INSR: variants seen among roughly 807,000 people sequenced by gnomAD.
INSR encodes IR.
A neutral mutation model predicts 142.6 loss-of-function variants in INSR; 67 were observed. The observed-to-expected ratio is 0.47, with a 90% CI of 0.39 to 0.58. The LOEUF (loss-of-function observed/expected upper bound fraction) is 0.58, where lower values mean the gene tolerates loss of function less well. INSR is among the 20% of genes least tolerant of loss of function. INSR has a pLI of 0.00. For missense variants in INSR, 1,248 were observed against 1,833.2 expected (o/e 0.68, Z 5.83); for synonymous variants, 756 against 743.1 (o/e 1.02, Z -0.28).
At position 7,115,860 on chromosome 19, in the gene INSR, C is replaced by T. The variant is rs952221024; in HGVS notation, c.*1196G>A. 1 of 152,158 alleles carries T rather than the reference C, an allele frequency of 6.6e-6. No individual in the cohort carries two copies. Among genetic ancestry groups the T allele is most frequent in the African/African-American group, 2.4e-5 (1 of 41,406 alleles). The allele number at this position is 152,158 out of a possible 1,614,324, so 9.4% of individuals were successfully genotyped here. The stretch of plus-strand genomic sequence containing the variant: ...TCACAACATCCAAAAGTGTTAGCAG[C>T]GAACATGGCTTCATTCCCAGAAATG... On this transcript the variant is annotated 3_prime_UTR_variant, in exon 22 of 22. Transcript: ENST00000302850.
chr19:7,229,110 G>C lies in INSR; in HGVS notation c.652+38235C>G, dbSNP rs562603607. Among the ~76,000 whole-genome samples, 35 of 151,734 alleles carry C rather than the reference G, an allele frequency of 2.3e-4. No homozygotes were observed. In the South Asian group the frequency reaches 4.2e-3, roughly 18 times the overall value. On this transcript the variant is annotated intron_variant, in intron 2 of 21. Coordinates refer to ENST00000302850, the MANE Select transcript of INSR (RefSeq NM_000208.4). ...GGATGGGTGATTGGATGAGTGGATG[G>C]ATGGATGGGTGAGTGAATGGATGAA...
At chr19:7,249,849 G>C (rs551862806) in intron 2 of INSR, among the ~76,000 whole-genome samples, 1 of 152,016 alleles carries the variant, frequency 6.6e-6, no homozygotes, top group Non-Finnish European at 1.5e-5. Flanking sequence ...AAAATTAGCC[G>C]GGCGTGGTGG....
chr19:7,120,518 G>T (rs1228771230), intron 20 of INSR, 102 bp downstream of exon 20: 12 of 1,389,822 alleles, frequency 8.6e-6, no homozygotes, highest in Non-Finnish European at 1.1e-5. Context: ...TTCCTTGATG[G>T]GGCGTCCAGG....
At chr19:7,191,452 G>A (rs757728008) in intron 2 of INSR, among the ~76,000 whole-genome samples, 1 of 152,126 alleles carries the variant, frequency 6.6e-6, no homozygotes. Flanking sequence ...GGTGCTGGAC[G>A]TTTCCACATA....
At chr19:7,194,273 T>C (rs1974676931) in intron 2 of INSR, among the ~76,000 whole-genome samples, 2 of 151,876 alleles carry the variant, frequency 1.3e-5, no homozygotes, top group African/African-American at 4.8e-5. Context: ...AAAAATTAGC[T>C]GGGCGTGGTG....
intron 2 of INSR, among the ~76,000 whole-genome samples, chr19:7,233,373 G>A (rs745823837): frequency 3.3e-5 from 5 of 152,148 alleles, no homozygotes; most frequent in East Asian, 3.8e-4. Flanking sequence ...AGAGCCCCAC[G>A]GCTACTAACA....
chr19:7,277,190 G>C (rs1568234547), intron 1 of INSR, among the ~76,000 whole-genome samples: 2 of 152,138 alleles, frequency 1.3e-5, no homozygotes, highest in East Asian at 3.9e-4. Flanking sequence ...TGGACACACT[G>C]GGGTGTCAGA....
intron 6 of INSR, among the ~76,000 whole-genome samples, chr19:7,169,655 C>G (rs1361167785): frequency 6.6e-6 from 1 of 151,448 alleles, no homozygotes. Context: ...ATTTTCTGCA[C>G]TCCTAACTTC....
rs1184175382 is a variant in INSR, at chr19:7,116,999, A to C, written c.*57T>G. 14 of 1,352,122 alleles carry C rather than the reference A, an allele frequency of 1.0e-5. No individual in the cohort carries two copies. The highest frequency in any genetic ancestry group is 2.3e-5 in the South Asian group (2 of 85,746). The allele number at this position is 1,352,122 out of a possible 1,614,324, so 83.8% of individuals were successfully genotyped here. On this transcript the variant is annotated 3_prime_UTR_variant, in exon 22 of 22. Transcript: ENST00000302850. ...AATCCTGAGTTTTCCAGAGGCTTTC[A>C]AACCAGAGGAAAGCGAAAATGGGAA...
At chr19:7,293,644 C>T (rs1968556526) in intron 1 of INSR, 148 bp downstream of exon 1, 2 of 610,988 alleles carry the variant, frequency 3.3e-6, no homozygotes, top group Non-Finnish European at 2.3e-6. Flanking sequence ...CCCGCTCCCC[C>T]TACGCGATGC....
chr19:7,180,114 A>C (rs547177856), intron 3 of INSR, among the ~76,000 whole-genome samples: 1 of 152,310 alleles, frequency 6.6e-6, no homozygotes, highest in African/African-American at 2.4e-5. Context: ...TCAACACATG[A>C]AATCATCAGA....
At chr19:7,153,331 C>CAGA (rs1186813419) in intron 9 of INSR, among the ~76,000 whole-genome samples, 4 of 100,424 alleles carry the variant, frequency 4.0e-5, no homozygotes, top group South Asian at 2.8e-4. Flanking sequence ...ACCACACACA[C>CAGA]CCACGCCACA....
rs762439383 is a variant in INSR, at chr19:7,184,657, G to GAGAC, written c.653-21_653-20insGTCT. 1.9e-5 allele frequency: 27 copies of GAGAC among 1,433,474 alleles called. No individual in the cohort carries two copies. In the African/African-American group the frequency reaches 4.0e-4, roughly 21 times the overall value. The allele number at this position is 1,433,474 out of a possible 1,614,324, so 88.8% of individuals were successfully genotyped here. A position where few individuals can be genotyped will look rare whatever the true frequency, so the allele number is the denominator to read the frequency against. ...GGCAAACTGGAGAGAGAGAGAGAGA[G>GAGAC]AGAGGGAAATAAATAAATAAATAAA... On this transcript the variant is annotated intron_variant, in intron 2 of 21. Transcript: ENST00000302850.
At chr19:7,257,745 C>T (rs1976940266) in intron 2 of INSR, among the ~76,000 whole-genome samples, 2 of 152,034 alleles carry the variant, frequency 1.3e-5, no homozygotes, top group African/African-American at 4.8e-5. Flanking sequence ...GAAGTACCAG[C>T]AAAGGGCAGC....
intron 2 of INSR, among the ~76,000 whole-genome samples, chr19:7,255,898 T>A (rs960317335): frequency 1.3e-5 from 2 of 151,920 alleles, no homozygotes; most frequent in Non-Finnish European, 2.9e-5. Flanking sequence ...TTCTTTGTGA[T>A]CCTTGCCACC....
At chr19:7,245,102 A>AT (rs1347706727) in intron 2 of INSR, among the ~76,000 whole-genome samples, 1 of 150,892 alleles carries the variant, frequency 6.6e-6, no homozygotes, top group Non-Finnish European at 1.5e-5. Flanking sequence ...TGCCCGGCTA[A>AT]TTTTTTTGTA....
In INSR at chr19:7,267,771, G is replaced by A; in HGVS notation, c.226C>T (p.Leu76Phe). 1.2e-6 allele frequency: 2 copies of A among 1,614,180 alleles called. No individual in the cohort carries two copies. Among genetic ancestry groups the A allele is most frequent in the Non-Finnish European group, 1.7e-6 (2 of 1,180,040 alleles). ...FKTRPEDFRDLSFPKLIMITD... is the reference protein window; with the variant it reads ...FKTRPEDFRDFSFPKLIMITD... ...ATCATGATGAGTTTGGGGAAACTGA[G>A]GTCTCGGAAATCTTCGGGCCTCGTT... Residue 76 changes from leucine (L) to phenylalanine (F), a missense_variant, in exon 2 of 22, where the codon CTC becomes TTC. By Grantham distance (22) the Leu-to-Phe change is conservative. Coordinates refer to ENST00000302850, the MANE Select transcript of INSR (RefSeq NM_000208.4). This position sits in a 1 kb window ranked among gnomAD's most constrained non-coding sequence, Gnocchi z 6.3.
chr19:7,181,694 C>T (rs1034532733), intron 3 of INSR, among the ~76,000 whole-genome samples: 6 of 152,002 alleles, frequency 3.9e-5, no homozygotes, highest in South Asian at 2.1e-4. Context: ...CTCAGCCTCC[C>T]GAGTAGCTGG....
chr19:7,174,784 G>A lies in INSR; in HGVS notation c.975-53C>T, dbSNP rs568429633. The A allele has an allele frequency of 1.6e-4, 252 of 1,564,466 alleles. No homozygotes were observed. In the African/African-American group the frequency reaches 2.8e-3, roughly 17 times the overall value. ...AGAGAAAGGGGAGGGGGGTGTCACG[G>A]TATCCAAGGTCCTTCAGACATCTCA... is the stretch of plus-strand genomic sequence containing the variant. On this transcript the variant is annotated intron_variant, in intron 3 of 21. Transcript: ENST00000302850.
Sources: allele counts gnomAD v4.1 joint callset (sites outside exome capture counted in the v4.1 genomes callset), GRCh38; gene constraint gnomAD v4.1.1; non-coding constraint Gnocchi (gnomAD v3.1); transcripts MANE v1.5; gene names NCBI Gene and HGNC (gene_info 2026-07-23, HGNC 2026-07-21).